Variants in ZNF704 observed in about 807,000 individuals in gnomAD.
ZNF704 encodes zinc finger protein 704.
ZNF704 carries 10 observed loss-of-function variants against 44.7 expected under a neutral mutation model. The observed-to-expected ratio is 0.22, with a 90% CI of 0.14 to 0.38. The LOEUF (loss-of-function observed/expected upper bound fraction) is 0.38, where lower values mean the gene tolerates loss of function less well. Ranked by LOEUF, ZNF704 falls within the 10% of genes least tolerant of loss-of-function variation. The probability of loss-of-function intolerance (pLI) is 1.00; values close to 1 mark genes in which losing one functional copy is unlikely to be tolerated. For synonymous variants in ZNF704, 211 were observed against 207.6 expected (o/e 1.02, Z -0.14); for missense variants, 390 against 545.5 (o/e 0.71, Z 2.84).
intron 1 of ZNF704, among the ~76,000 whole-genome samples, chr8:80,849,765 G>A (rs1396405081): frequency 3.9e-5 from 6 of 152,170 alleles, no homozygotes; most frequent in African/African-American, 1.2e-4. Context: ...AGATGATGAG[G>A]TTTTAAGATC....
At chr8:80,862,486 T>G (rs557787438) in intron 1 of ZNF704, among the ~76,000 whole-genome samples, 35 of 150,456 alleles carry the variant, frequency 2.3e-4, no homozygotes, top group African/African-American at 8.6e-4. Flanking sequence ...GCACAGTGGC[T>G]CACATCTGTA....
chr8:80,670,519 G>C lies in ZNF704; in HGVS notation c.643C>G (p.Arg215Gly), dbSNP rs192436127. 1.2e-6 allele frequency: 2 copies of C among 1,613,856 alleles called. No individual in the cohort carries two copies. Among genetic ancestry groups the C allele is most frequent in the East Asian group, 2.2e-5 (1 of 44,888 alleles). ...STAAGIQKHIRTIHLGRVGDS... is the reference protein window; with the variant it reads ...STAAGIQKHIGTIHLGRVGDS... ...CTGCCTTACCCCAGATGGATGGTTC[G>C]GATGTGTTTCTGGATACCTGCTGCA... The change falls in exon 5 of 9, where the codon CGA becomes GGA. Residue 215 changes from arginine (R) to glycine (G), a missense_variant. Transcript: ENST00000327835.
At chr8:80,692,203 T>C (rs1818649709) in intron 3 of ZNF704, among the ~76,000 whole-genome samples, 2 of 152,186 alleles carry the variant, frequency 1.3e-5, no homozygotes, top group Admixed American at 1.3e-4. Flanking sequence ...ATTTATTGTA[T>C]TGGATTATAT....
At chr8:80,782,909 G>A (rs1038936263) in intron 2 of ZNF704, among the ~76,000 whole-genome samples, 1 of 151,848 alleles carries the variant, frequency 6.6e-6, no homozygotes, top group African/African-American at 2.4e-5. Context: ...CATGGAACCC[G>A]CCCATATGGA....
chr8:80,698,735 C>A (rs947141406), intron 2 of ZNF704, among the ~76,000 whole-genome samples: 2 of 152,204 alleles, frequency 1.3e-5, no homozygotes, highest in African/African-American at 4.8e-5. Context: ...AGGCAATCAG[C>A]GCAGTGCGCA....
At chr8:80,795,883 T>G (rs1337236489) in intron 2 of ZNF704, among the ~76,000 whole-genome samples, 1 of 152,204 alleles carries the variant, frequency 6.6e-6, no homozygotes, top group African/African-American at 2.4e-5. Context: ...GACTACTTTG[T>G]GGAACTAAAA....
intron 1 of ZNF704, among the ~76,000 whole-genome samples, chr8:80,864,069 A>G (rs1809113105): frequency 6.6e-6 from 1 of 152,206 alleles, no homozygotes; most frequent in African/African-American, 2.4e-5. Context: ...CACACACAAT[A>G]ATGGTATTCA....
intron 2 of ZNF704, among the ~76,000 whole-genome samples, chr8:80,817,328 G>A (rs979776019): frequency 8.5e-5 from 13 of 152,200 alleles, no homozygotes; most frequent in African/African-American, 1.4e-4. Context: ...CTGCATTTGC[G>A]CCAAGGCCAC....
chr8:80,762,504 C>G (rs942441940), intron 2 of ZNF704, among the ~76,000 whole-genome samples: 2 of 152,176 alleles, frequency 1.3e-5, no homozygotes, highest in Non-Finnish European at 2.9e-5. Context: ...AACCCACTCA[C>G]TGTCACGAGA....
intron 4 of ZNF704, among the ~76,000 whole-genome samples, chr8:80,683,297 C>G (rs1032500786): frequency 6.6e-6 from 1 of 152,124 alleles, no homozygotes; most frequent in African/African-American, 2.4e-5. Context: ...GATAGAGAAG[C>G]CTTTCATTTC....
intron 2 of ZNF704, among the ~76,000 whole-genome samples, chr8:80,763,905 T>C (rs887955583): frequency 6.6e-6 from 1 of 152,168 alleles, no homozygotes; most frequent in South Asian, 2.1e-4. Context: ...ATGCTGCCAG[T>C]ATTTTTGTTA....
At chr8:80,821,677 A>C in intron 1 of ZNF704, 62 bp from the exon 2 acceptor site, 1 of 1,271,234 alleles carries the variant, frequency 7.9e-7, no homozygotes, top group Non-Finnish European at 1.1e-6. Context: ...CGACTACTGC[A>C]GATGGCGGTG....
chr8:80,780,374 C>T (rs866614530), intron 2 of ZNF704, among the ~76,000 whole-genome samples: 4 of 152,104 alleles, frequency 2.6e-5, no homozygotes, highest in African/African-American at 7.2e-5. Flanking sequence ...ACTTGAGAAG[C>T]GGATGGAATC....
chr8:80,641,247 A>G lies in ZNF704; in HGVS notation c.*119T>C. ...CTGTTATTCCTCCAAGGTTCCTGAA[A>G]GGGCTTTTCCTGGCTTCAACTGTGT... is the stretch of plus-strand genomic sequence containing the variant. On this transcript the variant is annotated 3_prime_UTR_variant, in exon 9 of 9. Coordinates refer to ENST00000327835, the MANE Select transcript of ZNF704 (RefSeq NM_001033723.3). 1.8e-6 allele frequency: 1 copy of G among 556,674 alleles called. No homozygotes were observed. 34.5% of individuals were successfully genotyped at this position (556,674 alleles called of 1,614,324 possible). A position where few individuals can be genotyped will look rare whatever the true frequency, so the allele number is the denominator to read the frequency against.
At chr8:80,777,028 C>T (rs1053343649) in intron 2 of ZNF704, 3 of 152,046 alleles carry the variant, frequency 2.0e-5, no homozygotes, top group African/African-American at 7.2e-5. Context: ...TGTAATTCTG[C>T]ATTTTTTCTT....
upstream of ZNF704, among the ~76,000 whole-genome samples, chr8:80,876,898 G>T (rs1373175109): frequency 6.6e-6 from 1 of 152,118 alleles, no homozygotes; most frequent in Non-Finnish European, 1.5e-5. Flanking sequence ...CCAACAACTT[G>T]TCATCGGAGG....
At chr8:80,653,477 G>T (rs1817957226) in intron 7 of ZNF704, among the ~76,000 whole-genome samples, 1 of 152,134 alleles carries the variant, frequency 6.6e-6, no homozygotes, top group South Asian at 2.1e-4. Flanking sequence ...AAAGTCTCAG[G>T]ATACAAAATC....
At chr8:80,672,875 C>T (rs1176103091) in intron 4 of ZNF704, among the ~76,000 whole-genome samples, 1 of 151,848 alleles carries the variant, frequency 6.6e-6, no homozygotes. Context: ...GCAATATACC[C>T]ATGTAACGAA....
intron 1 of ZNF704, among the ~76,000 whole-genome samples, chr8:80,838,193 GTTAAA>G (rs1016153916): frequency 6.6e-6 from 1 of 152,160 alleles, no homozygotes; most frequent in Admixed American, 6.5e-5. Flanking sequence ...TTCTTCATGG[GTTAAA>G]TAGTTCATTG....
Sources: gnomAD v4.1 joint callset for allele counts (sites outside exome capture counted in the v4.1 genomes callset) on GRCh38, gnomAD v4.1.1 for gene constraint, MANE v1.5 for transcripts, NCBI Gene and HGNC (gene_info 2026-07-23, HGNC 2026-07-21) for gene names.